The following TLL1 variants were observed in gnomAD, a reference collection of about 807,000 sequenced individuals.
The protein encoded by TLL1 is tolloid like 1.
Under a neutral mutation model 128.2 loss-of-function variants are expected in TLL1, and 49 were observed. The ratio of observed to expected loss-of-function variants is 0.38; its 90% confidence interval spans 0.30 to 0.48. The LOEUF is 0.48. Ranked by LOEUF, TLL1 falls within the 20% of genes least tolerant of loss-of-function variation. TLL1 has a pLI of 0.96. For missense variants in TLL1, 1,123 were observed against 1,242.0 expected, an observed-to-expected ratio of 0.90 and a Z score of 1.44; for synonymous variants, 454 against 418.8, an observed-to-expected ratio of 1.08 and a Z score of -1.03.
chr4:165,963,490 CTCTT>C (rs1735218642), intron 1 of TLL1, among the ~76,000 whole-genome samples: 1 of 152,028 alleles, frequency 6.6e-6, no homozygotes, highest in Non-Finnish European at 1.5e-5. Flanking sequence ...ATTTTTTTCT[CTCTT>C]TATCAGGTAA....
intron 16 of TLL1, among the ~76,000 whole-genome samples, chr4:166,074,331 T>A (rs1740923655): frequency 6.6e-6 from 1 of 151,508 alleles, no homozygotes; most frequent in South Asian, 2.1e-4. Context: ...TCATTAATGC[T>A]AAGCATAACT....
chr4:165,918,804 G>A (rs1416872335), intron 1 of TLL1, among the ~76,000 whole-genome samples: 1 of 152,052 alleles, frequency 6.6e-6, no homozygotes, highest in African/African-American at 2.4e-5. Flanking sequence ...GCTAGGCCTG[G>A]TTTTGGTGGA....
intron 1 of TLL1, among the ~76,000 whole-genome samples, chr4:165,986,326 CAG>C (rs1385918830): frequency 6.6e-6 from 1 of 151,926 alleles, no homozygotes; most frequent in African/African-American, 2.4e-5. Context: ...AAATAGGACA[CAG>C]ATTTAAATAG....
intron 1 of TLL1, among the ~76,000 whole-genome samples, chr4:165,950,939 C>A (rs1214832522): frequency 6.6e-6 from 1 of 151,954 alleles, no homozygotes; most frequent in African/African-American, 2.4e-5. Flanking sequence ...AAGAGACAGA[C>A]ATTAGAGAAA....
At position 165,963,818 on chromosome 4, in the gene TLL1, G is replaced by T. The variant is rs10003155; in HGVS notation, c.170-25563G>T. Among the ~76,000 whole-genome samples, 11 of 152,314 alleles carry T rather than the reference G, an allele frequency of 7.2e-5. No homozygotes were observed. In the East Asian group the frequency reaches 2.1e-3, roughly 29 times the overall value. On this transcript the variant is annotated intron_variant, in intron 1 of 20. Coordinates refer to ENST00000061240, the MANE Select transcript of TLL1 (RefSeq NM_012464.5). ...ATTGGGAGCAGCTGTGCTTGGCTCA[G>T]TATGGACCTGATGAAGTGAAAATGT...
intron 1 of TLL1, among the ~76,000 whole-genome samples, chr4:165,973,591 G>A (rs1007001948): frequency 6.6e-6 from 1 of 151,764 alleles, no homozygotes; most frequent in Non-Finnish European, 1.5e-5. Context: ...GGCAGATCTT[G>A]AGGGGTGCAT....
At chr4:165,955,354 T>G (rs1734733056) in intron 1 of TLL1, among the ~76,000 whole-genome samples, 1 of 152,082 alleles carries the variant, frequency 6.6e-6, no homozygotes, top group Non-Finnish European at 1.5e-5. Flanking sequence ...GTAAGCAATT[T>G]GGAAAATGGT....
At chr4:165,895,633 TAAAAAAAA>T (rs57920393) in intron 1 of TLL1, among the ~76,000 whole-genome samples, 23 of 68,448 alleles carry the variant, frequency 3.4e-4, no homozygotes, top group African/African-American at 1.6e-3. Flanking sequence ...AGACTTTTTG[TAAAAAAAA>T]AAAAAAAAAA....
chr4:165,912,291 A>G (rs1341094175), intron 1 of TLL1, among the ~76,000 whole-genome samples: 1 of 152,152 alleles, frequency 6.6e-6, no homozygotes, highest in East Asian at 1.9e-4. Flanking sequence ...TGTGTTATTC[A>G]GATGTCCAGC....
intron 9 of TLL1, among the ~76,000 whole-genome samples, chr4:166,034,287 A>G (rs1738900292): frequency 6.6e-6 from 1 of 152,170 alleles, no homozygotes; most frequent in South Asian, 2.1e-4. Context: ...GAGCGATATG[A>G]AGAATTTCAA....
At chr4:166,043,538 G>A (rs1228518921) in intron 12 of TLL1, 119 bp downstream of exon 12, 3 of 1,426,312 alleles carry the variant, frequency 2.1e-6, no homozygotes, top group Non-Finnish European at 3.0e-6. Context: ...CAGCAAAGAA[G>A]CAAAGGATCG....
intron 9 of TLL1, among the ~76,000 whole-genome samples, 171 bp from the exon 10 acceptor site, chr4:166,039,168 G>A (rs1739132002): frequency 6.6e-6 from 1 of 152,064 alleles, no homozygotes; most frequent in Non-Finnish European, 1.5e-5. Flanking sequence ...GGAAAACATG[G>A]TTTCAAGGTT....
At chr4:166,047,087 T>A in intron 12 of TLL1, among the ~76,000 whole-genome samples, 1 of 152,184 alleles carries the variant, frequency 6.6e-6, no homozygotes, top group East Asian at 1.9e-4. Flanking sequence ...ATTATATGAT[T>A]TTACCTGATA....
chr4:165,982,885 C>A (rs186810409), intron 1 of TLL1, among the ~76,000 whole-genome samples: 1 of 151,652 alleles, frequency 6.6e-6, no homozygotes. Flanking sequence ...TGGCCACAAA[C>A]GTAAACAATT....
chr4:165,943,554 G>A (rs1734113397), intron 1 of TLL1, among the ~76,000 whole-genome samples: 1 of 151,890 alleles, frequency 6.6e-6, no homozygotes. Context: ...CTTAAAAATT[G>A]GACCTTTAAA....
chr4:166,079,065 C>G (rs1287983461), intron 18 of TLL1, among the ~76,000 whole-genome samples: 7 of 152,104 alleles, frequency 4.6e-5, no homozygotes, highest in Non-Finnish European at 8.8e-5. Flanking sequence ...ACTTCCCAGA[C>G]AGAGTTATCA....
At chr4:165,907,062 T>C (rs1022638836) in intron 1 of TLL1, among the ~76,000 whole-genome samples, 3 of 152,202 alleles carry the variant, frequency 2.0e-5, no homozygotes, top group Non-Finnish European at 2.9e-5. Context: ...CTTATTTTTC[T>C]TGAAACTTCA....
At chr4:165,893,291 GAGCAAT>G (rs150769484) in intron 1 of TLL1, among the ~76,000 whole-genome samples, 4,773 of 152,206 alleles carry the variant, frequency 0.031, 197 homozygotes, top group East Asian at 0.13. Flanking sequence ...AAAATATATG[GAGCAAT>G]AGTTCTCAAG....
At chr4:166,100,013 C>G (rs1469566458) in intron 20 of TLL1, among the ~76,000 whole-genome samples, 9 of 152,114 alleles carry the variant, frequency 5.9e-5, no homozygotes, top group Non-Finnish European at 8.8e-5. Flanking sequence ...AGACACTGTT[C>G]CATTGCAGAG....
Sources: gnomAD v4.1 joint callset for allele counts (sites outside exome capture counted in the v4.1 genomes callset) on GRCh38, gnomAD v4.1.1 for gene constraint, MANE v1.5 for transcripts, NCBI Gene and HGNC (gene_info 2026-07-23, HGNC 2026-07-21) for gene names.